Variants in ZDHHC13 observed in about 807,000 individuals in gnomAD.
The protein encoded by ZDHHC13 is palmitoyltransferase ZDHHC13.
Under a neutral mutation model 86.0 loss-of-function variants are expected in ZDHHC13, and 85 were observed. The ratio of observed to expected loss-of-function variants is 0.99; its 90% confidence interval spans 0.83 to 1.18. The LOEUF is 1.18. Among genes scored for constraint, ZDHHC13 ranks in the 50% most tolerant of loss-of-function variants. The pLI is 0.00. For missense variants in ZDHHC13, 711 were observed against 730.2 expected, an observed-to-expected ratio of 0.97 and a Z score of 0.30; for synonymous variants, 263 against 246.4, an observed-to-expected ratio of 1.07 and a Z score of -0.63.
At chr11:19,137,811 A>G (rs1351507691) in intron 1 of ZDHHC13, among the ~76,000 whole-genome samples, 1 of 152,392 alleles carries the variant, frequency 6.6e-6, no homozygotes, top group African/African-American at 2.4e-5. Flanking sequence ...CTGAATGACT[A>G]TTGGGTACAT....
intron 14 of ZDHHC13, 113 bp from the exon 15 acceptor site, chr11:19,170,298 T>G: frequency 2.8e-6 from 4 of 1,439,316 alleles, no homozygotes. Flanking sequence ...AATCATGATC[T>G]GTGCCATACT....
At chr11:19,146,743 T>G (rs1341840491) in intron 3 of ZDHHC13, among the ~76,000 whole-genome samples, 1 of 152,200 alleles carries the variant, frequency 6.6e-6, no homozygotes. Flanking sequence ...TTGGATTGTA[T>G]AAAATATTTC....
At chr11:19,142,856 C>A in intron 1 of ZDHHC13, 122 bp from the exon 2 acceptor site, 1 of 1,158,686 alleles carries the variant, frequency 8.6e-7, no homozygotes, top group Non-Finnish European at 1.2e-6. Flanking sequence ...GGATACACTT[C>A]TAAAACTCCA....
upstream of ZDHHC13, chr11:19,117,166 G>A: frequency 6.8e-7 from 1 of 1,467,204 alleles, no homozygotes; most frequent in South Asian, 1.2e-5. This position sits in a 1 kb window ranked among gnomAD's most constrained non-coding sequence, Gnocchi z 4.2. Context: ...GGAAGTGGGA[G>A]AAGAGGCGAC....
intron 15 of ZDHHC13, among the ~76,000 whole-genome samples, chr11:19,171,547 C>T (rs1398426736): frequency 2.6e-5 from 4 of 152,034 alleles, no homozygotes; most frequent in Admixed American, 6.6e-5. Context: ...CTGAGGTTTC[C>T]GAACATTCCT....
chr11:19,152,408 T>C (rs17499289), intron 7 of ZDHHC13, 88 bp downstream of exon 7: 22,687 of 1,492,904 alleles, frequency 0.015, 213 homozygotes, highest in Non-Finnish European at 0.018. Context: ...ATATAATTGT[T>C]TTCAGTTACC....
chr11:19,155,930 GT>G lies in ZDHHC13; in HGVS notation c.1007+2del, dbSNP rs759919087. On this transcript the variant is annotated splice_donor_variant, in intron 9 of 16. Transcript: ENST00000446113. LOFTEE classifies it high-confidence loss of function. Reference sequence around the variant, plus strand: ...TTTTTCTGACATCTTTGTTTCCAAGGTGTGTATGTTAATTTTTGCAAGGCTG... The same window carrying G: ...TTTTTCTGACATCTTTGTTTCCAAGGGTGTATGTTAATTTTTGCAAGGCTG... The G allele has an allele frequency of 6.3e-7, 1 of 1,597,186 alleles. No individual in the cohort carries two copies.
At chr11:19,130,539 C>A (rs1848973444) in intron 1 of ZDHHC13, among the ~76,000 whole-genome samples, 1 of 152,100 alleles carries the variant, frequency 6.6e-6, no homozygotes, top group Non-Finnish European at 1.5e-5. Context: ...TATTGTTTCT[C>A]TGTTTTATAG....
At chr11:19,121,544 T>A (rs1848759066) in intron 1 of ZDHHC13, among the ~76,000 whole-genome samples, 1 of 152,226 alleles carries the variant, frequency 6.6e-6, no homozygotes, top group African/African-American at 2.4e-5. Context: ...ATTACCTACT[T>A]CTGTGATTTG....
At chr11:19,164,245 T>G in intron 11 of ZDHHC13, 56 bp from the exon 12 acceptor site, 4 of 1,557,582 alleles carry the variant, frequency 2.6e-6, no homozygotes, top group Non-Finnish European at 3.5e-6. Context: ...TGTATAACCA[T>G]GCATAATACA....
chr11:19,172,710 C>G lies in ZDHHC13; in HGVS notation c.1633-13C>G. 10 of 1,579,186 alleles carry G rather than the reference C, an allele frequency of 6.3e-6. No individual in the cohort carries two copies. Among genetic ancestry groups the G allele is most frequent in the Non-Finnish European group, 8.6e-6 (10 of 1,162,916 alleles). ...ACACTGAATGTGTGCAACCTTCCAC[C>G]CTTCTTTTTCAGATTGCCTTTCTGG... On this transcript the variant is annotated splice_polypyrimidine_tract_variant and intron_variant, in intron 15 of 16. Coordinates refer to ENST00000446113, the MANE Select transcript of ZDHHC13 (RefSeq NM_019028.3).
Position 19,143,664 on chromosome 11 carries a change from A to C in ZDHHC13, c.173+541A>C, listed in dbSNP as rs548736446. 1.3e-4 allele frequency among the ~76,000 whole-genome samples: 20 copies of C among 152,336 alleles called. No individual in the cohort carries two copies. In the East Asian group the frequency reaches 3.9e-3, roughly 29 times the overall value. ...TGGAAATATGTTCTCTGACCACTTG[A>C]AACACATAGTGTGTTGTTTTGCTTG... On this transcript the variant is annotated intron_variant, in intron 2 of 16. Transcript: ENST00000446113.
At chr11:19,133,488 G>C (rs4757758) in intron 1 of ZDHHC13, among the ~76,000 whole-genome samples, 1 of 151,714 alleles carries the variant, frequency 6.6e-6, no homozygotes, top group Non-Finnish European at 1.5e-5. Flanking sequence ...ACTGGGAACA[G>C]TCCAAATATC....
At chr11:19,159,081 C>T (rs1162795376) in intron 10 of ZDHHC13, 41 bp downstream of exon 10, 3 of 1,405,608 alleles carry the variant, frequency 2.1e-6, no homozygotes, top group Admixed American at 2.1e-5. Flanking sequence ...TCTCATTTTG[C>T]CTTTAAAAGA....
intron 1 of ZDHHC13, among the ~76,000 whole-genome samples, chr11:19,137,353 A>G (rs1849172057): frequency 6.6e-6 from 1 of 152,168 alleles, no homozygotes. Flanking sequence ...GATCAATTCA[A>G]CAAGAAGAGC....
intron 2 of ZDHHC13, among the ~76,000 whole-genome samples, chr11:19,145,360 G>C (rs1469578015): frequency 6.6e-6 from 1 of 151,984 alleles, no homozygotes; most frequent in African/African-American, 2.4e-5. Flanking sequence ...TTCACTCTCT[G>C]TCCTCACCCT....
At chr11:19,130,606 T>C (rs1421756060) in intron 1 of ZDHHC13, among the ~76,000 whole-genome samples, 1 of 152,198 alleles carries the variant, frequency 6.6e-6, no homozygotes, top group South Asian at 2.1e-4. Flanking sequence ...CGAGTTTAAT[T>C]TTCTTTCTCT....
intron 16 of ZDHHC13, among the ~76,000 whole-genome samples, chr11:19,174,683 C>T (rs1057145360): frequency 2.0e-5 from 3 of 152,208 alleles, no homozygotes; most frequent in African/African-American, 4.8e-5. Flanking sequence ...AAAATGATGC[C>T]TAAGACAGTG....
intron 9 of ZDHHC13, among the ~76,000 whole-genome samples, chr11:19,156,740 C>T (rs1849766546): frequency 6.6e-6 from 1 of 152,180 alleles, no homozygotes; most frequent in South Asian, 2.1e-4. Context: ...CCCTACCTGC[C>T]TGTCTCCATC....
Sources: allele counts gnomAD v4.1 joint callset (sites outside exome capture counted in the v4.1 genomes callset), GRCh38; gene constraint gnomAD v4.1.1; non-coding constraint Gnocchi (gnomAD v3.1); transcripts MANE v1.5; gene names NCBI Gene and HGNC (gene_info 2026-07-23, HGNC 2026-07-21).